Variants in FRRS1 observed in about 807,000 individuals in gnomAD.
FRRS1 encodes the protein ferric reductase 1.
Under a neutral mutation model 70.7 loss-of-function variants are expected in FRRS1, and 51 were observed. That is an observed-to-expected ratio of 0.72 (90% CI 0.58 to 0.91). FRRS1 has a LOEUF of 0.91. FRRS1 is among the 40% of genes least tolerant of loss of function. FRRS1 has a pLI of 0.00. For synonymous variants in FRRS1, 225 were observed against 238.7 expected (o/e 0.94, Z 0.53); for missense variants, 672 against 726.0 (o/e 0.93, Z 0.86).
chr1:99,710,199 G>A (rs527393130), intron 15 of FRRS1, among the ~76,000 whole-genome samples: 3 of 152,160 alleles, frequency 2.0e-5, no homozygotes, highest in Admixed American at 2.0e-4. Context: ...AACCAGGCAG[G>A]ACACAAAGGA....
rs141962615 is a variant in FRRS1 at position 99,719,572 on chromosome 1, A to G, written c.1082T>C (p.Ile361Thr). 24 of 1,609,418 alleles carry G rather than the reference A, an allele frequency of 1.5e-5. No homozygotes were observed. The highest frequency in any genetic ancestry group is 4.4e-5 in the South Asian group (4 of 90,952). Residue 361 changes from isoleucine (I) to threonine (T), a missense_variant, in exon 10 of 17, where the codon ATA becomes ACA. Coordinates refer to ENST00000646001, the MANE Select transcript of FRRS1 (RefSeq NM_001361041.2). Reference sequence around the variant, plus strand: ...AAGGAGTACAGAATGGGATCCTCCTATGTTCTTTGGAGAGTCTGTCACATC... The same window carrying G: ...AAGGAGTACAGAATGGGATCCTCCTGTGTTCTTTGGAGAGTCTGTCACATC... Reference protein sequence around the residue: ...KYDVTDSPKNIGGSHSVLLLK... With the variant: ...KYDVTDSPKNTGGSHSVLLLK...
intron 1 of FRRS1, among the ~76,000 whole-genome samples, chr1:99,751,523 A>T (rs1656567450): frequency 6.6e-6 from 1 of 152,180 alleles, no homozygotes; most frequent in Non-Finnish European, 1.5e-5. Flanking sequence ...CCAGAGGAAA[A>T]AGAAAGGAAC....
intron 7 of FRRS1, 103 bp from the exon 8 acceptor site, chr1:99,729,851 T>C: frequency 1.4e-6 from 1 of 692,870 alleles, no homozygotes; most frequent in South Asian, 1.9e-5. Flanking sequence ...TATGTGATGC[T>C]TTGAAAACAT....
chr1:99,760,449 G>C (rs953015615), intron 1 of FRRS1, among the ~76,000 whole-genome samples: 1 of 152,086 alleles, frequency 6.6e-6, no homozygotes, highest in African/African-American at 2.4e-5. Context: ...TTGAAAAATA[G>C]GTCAAGTATT....
intron 12 of FRRS1, among the ~76,000 whole-genome samples, chr1:99,714,235 G>A (rs1222866706): frequency 6.6e-6 from 1 of 150,774 alleles, no homozygotes; most frequent in Admixed American, 6.6e-5. Context: ...CCAAGCTGGA[G>A]TGCAGTGGTG....
rs573348063 is a variant in FRRS1 at position 99,724,752 on chromosome 1, T to C, written c.1006+3741A>G. On this transcript the variant is annotated intron_variant, in intron 9 of 16. Coordinates refer to ENST00000646001, the MANE Select transcript of FRRS1 (RefSeq NM_001361041.2). ...GAATAGCAATCTCCAGGTTTGTTTA[T>C]TGGAGTGTTTTGTTTTGTGTGCTTT... Among the ~76,000 whole-genome samples, 256 of 152,230 alleles carry C rather than the reference T, an allele frequency of 1.7e-3. 1 individual carries two copies. Among genetic ancestry groups the C allele is most frequent in the African/African-American group, 5.6e-3 (231 of 41,530 alleles).
Position 99,738,096 on chromosome 1 carries a change from T to A in FRRS1, c.749A>T (p.Asp250Val), listed in dbSNP as rs1361799923. The A allele has an allele frequency of 6.2e-7, 1 of 1,611,732 alleles. No individual in the cohort carries two copies. Residue 250 changes from aspartate to valine, a missense_variant, in exon 7 of 17, where the codon GAT (aspartate) becomes GTT (valine). Coordinates refer to ENST00000646001, the MANE Select transcript of FRRS1 (RefSeq NM_001361041.2). Reference sequence around the variant, plus strand: ...GTGAGAGGTACCAACCATCCACTGATCATGAGACAATGCAAAGGATAAATA... The same window carrying A: ...GTGAGAGGTACCAACCATCCACTGAACATGAGACAATGCAAAGGATAAATA... Reference protein sequence around the residue: ...KGYLSFALSHDQWMGDDDAYL... With the variant: ...KGYLSFALSHVQWMGDDDAYL...
rs775591850 is a variant in FRRS1, at chr1:99,729,630, C to T, written c.858+20G>A. 1 of 1,522,708 alleles carries T rather than the reference C, an allele frequency of 6.6e-7. No homozygotes were observed. The highest frequency in any genetic ancestry group is 9.1e-7 in the Non-Finnish European group (1 of 1,098,952). The allele number at this position is 1,522,708 out of a possible 1,614,324, so 94.3% of individuals were successfully genotyped here. ...GAAAGCGGGTCTCCAGGTGGAGGTTCTCAGAATTTTCACACCTACCCTGGA... is the reference window on the plus strand; with the variant it reads ...GAAAGCGGGTCTCCAGGTGGAGGTTTTCAGAATTTTCACACCTACCCTGGA... On this transcript the variant is annotated intron_variant, in intron 8 of 16. Transcript: ENST00000646001.
At chr1:99,714,417 C>T (rs1334964389) in intron 12 of FRRS1, among the ~76,000 whole-genome samples, 1 of 151,980 alleles carries the variant, frequency 6.6e-6, no homozygotes, top group Non-Finnish European at 1.5e-5. Context: ...CTCCTGACCT[C>T]GTGATCTGCC....
At chr1:99,730,562 A>AT (rs1655305902) in intron 7 of FRRS1, among the ~76,000 whole-genome samples, 1 of 152,080 alleles carries the variant, frequency 6.6e-6, no homozygotes, top group African/African-American at 2.4e-5. Flanking sequence ...TCCTAAAAAA[A>AT]ATTTTTTAAA....
At chr1:99,724,318 C>T (rs1022155616) in intron 9 of FRRS1, among the ~76,000 whole-genome samples, 1 of 152,176 alleles carries the variant, frequency 6.6e-6, no homozygotes, top group Non-Finnish European at 1.5e-5. Context: ...AGCTGTGTCT[C>T]TACTTCATTA....
chr1:99,760,860 A>C (rs1409776300), intron 1 of FRRS1, among the ~76,000 whole-genome samples: 1 of 152,098 alleles, frequency 6.6e-6, no homozygotes, highest in African/African-American at 2.4e-5. Flanking sequence ...CATGTTGGCC[A>C]GGCTGGTCTT....
At chr1:99,717,292 T>A in intron 11 of FRRS1, 118 bp downstream of exon 11, 2 of 720,984 alleles carry the variant, frequency 2.8e-6, no homozygotes, top group Non-Finnish European at 5.0e-6. Flanking sequence ...AAAAGGAGGA[T>A]CCCAAACCTA....
In FRRS1 at chr1:99,750,949, A is replaced by C. The variant is rs112718391; in HGVS notation, c.-105-1948T>G. Reference sequence around the variant, plus strand: ...TGACTGGGCTGAGGGATGTTCTGATAGCTGATAAAATATTATTTCTGGAAG... The same window carrying C: ...TGACTGGGCTGAGGGATGTTCTGATCGCTGATAAAATATTATTTCTGGAAG... On this transcript the variant is annotated intron_variant, in intron 1 of 16. Coordinates refer to ENST00000646001, the MANE Select transcript of FRRS1 (RefSeq NM_001361041.2). 6.9e-3 allele frequency among the ~76,000 whole-genome samples: 1,054 copies of C among 152,306 alleles called. 19 individuals carry two copies. The highest frequency in any genetic ancestry group is 0.024 in the African/African-American group (1,008 of 41,548).
chr1:99,715,767 G>T, intron 11 of FRRS1, 95 bp from the exon 12 acceptor site: 2 of 756,790 alleles, frequency 2.6e-6, no homozygotes, highest in Non-Finnish European at 2.3e-6. Context: ...TATGGGGTAA[G>T]ATTCACTGAA....
intron 7 of FRRS1, among the ~76,000 whole-genome samples, chr1:99,731,470 G>A (rs1478318580): frequency 6.6e-6 from 1 of 152,170 alleles, no homozygotes; most frequent in Non-Finnish European, 1.5e-5. Flanking sequence ...ATCAGAATTA[G>A]CCCAATTCCA....
At chr1:99,740,111 T>C (rs1655880411) in intron 6 of FRRS1, among the ~76,000 whole-genome samples, 1 of 152,210 alleles carries the variant, frequency 6.6e-6, no homozygotes, top group Non-Finnish European at 1.5e-5. Context: ...CTGACCTTAA[T>C]GAAATGAGAT....
At chr1:99,766,156 A>G (rs1657343150) in intron 1 of FRRS1, among the ~76,000 whole-genome samples, 1 of 152,110 alleles carries the variant, frequency 6.6e-6, no homozygotes, top group Non-Finnish European at 1.5e-5. Flanking sequence ...GTGGGAGGGT[A>G]AGGGGACTAA....
chr1:99,731,355 T>C (rs1043639170), intron 7 of FRRS1, among the ~76,000 whole-genome samples: 2 of 152,216 alleles, frequency 1.3e-5, no homozygotes, highest in African/African-American at 4.8e-5. Context: ...AACATACTTC[T>C]ATAGTTTCAG....
Sources: gnomAD v4.1 joint callset for allele counts (sites outside exome capture counted in the v4.1 genomes callset) on GRCh38, gnomAD v4.1.1 for gene constraint, MANE v1.5 for transcripts, NCBI Gene and HGNC (gene_info 2026-07-23, HGNC 2026-07-21) for gene names.